Variants in ADAMTSL1 observed in about 807,000 individuals in gnomAD.
ADAMTSL1 encodes ADAMTS like 1.
In ADAMTSL1, 126 loss-of-function variants were observed where a neutral mutation model predicts 201.8. The ratio of observed to expected loss-of-function variants is 0.62; its 90% CI spans 0.54 to 0.72. The LOEUF (loss-of-function observed/expected upper bound fraction) is 0.72, where lower values mean the gene tolerates loss of function less well. ADAMTSL1 is among the 30% of genes least tolerant of loss of function. The pLI, the probability that ADAMTSL1 is intolerant of heterozygous loss-of-function variation, is 0.00. For missense variants in ADAMTSL1, 2,679 were observed against 2,277.8 expected, an observed-to-expected ratio of 1.18 and a Z score of -3.59; for synonymous variants, 1,121 against 903.4, an observed-to-expected ratio of 1.24 and a Z score of -4.32.
chr9:18,537,406 G>A (rs2132131077), intron 3 of ADAMTSL1, among the ~76,000 whole-genome samples: 1 of 152,300 alleles, frequency 6.6e-6, no homozygotes, highest in Non-Finnish European at 1.5e-5. Flanking sequence ...AGGCTGTGAA[G>A]TACAAGAGAG....
chr9:18,073,665 T>C lies in ADAMTSL1; in HGVS notation c.88-90197T>C, dbSNP rs1406715842. ...TATCATGTTATTGACATTTAAAAGA[T>C]ATGCATGCATTTTTTATAACCTTGG... On this transcript the variant is annotated intron_variant, in intron 1 of 29. Coordinates refer to the ADAMTSL1 transcript ENST00000680146. Among the ~76,000 whole-genome samples, 4 of 152,192 alleles carry C rather than the reference T, an allele frequency of 2.6e-5. No homozygotes were observed. In the East Asian group the frequency reaches 7.7e-4, roughly 29 times the overall value.
intron 1 of ADAMTSL1, among the ~76,000 whole-genome samples, chr9:18,011,867 G>A (rs1427091678): frequency 6.6e-6 from 1 of 151,962 alleles, no homozygotes; most frequent in African/African-American, 2.4e-5. Context: ...TGCCTTGAAA[G>A]GGGAACCTAG....
At chr9:18,057,508 T>C (rs1822248176) in intron 1 of ADAMTSL1, among the ~76,000 whole-genome samples, 1 of 152,206 alleles carries the variant, frequency 6.6e-6, no homozygotes, top group South Asian at 2.1e-4. Flanking sequence ...CAAATTTCCT[T>C]ACCCTAGCTG....
chr9:18,491,927 C>G (rs1022891676), intron 1 of ADAMTSL1, among the ~76,000 whole-genome samples: 6 of 152,104 alleles, frequency 3.9e-5, no homozygotes, highest in African/African-American at 1.4e-4. Context: ...ACTTATACTA[C>G]AATCTACTCT....
chr9:18,163,605 A>C (rs1488627155), intron 1 of ADAMTSL1, among the ~76,000 whole-genome samples: 1 of 151,970 alleles, frequency 6.6e-6, no homozygotes, highest in Non-Finnish European at 1.5e-5. Context: ...GATAACCTGT[A>C]ATCACTGGAT....
intron 6 of ADAMTSL1, among the ~76,000 whole-genome samples, chr9:18,638,757 A>G (rs1395195798): frequency 6.6e-6 from 1 of 152,172 alleles, no homozygotes; most frequent in East Asian, 1.9e-4. Context: ...GAGCAATAGC[A>G]TCAGTGCAGT....
intron 2 of ADAMTSL1, among the ~76,000 whole-genome samples, chr9:18,395,587 GTTGGAGAGTC>G (rs1390020760): frequency 2.0e-5 from 3 of 152,148 alleles, no homozygotes; most frequent in Non-Finnish European, 4.4e-5. Flanking sequence ...TGAATGAATG[GTTGGAGAGTC>G]AGTATAGAAT....
intron 2 of ADAMTSL1, among the ~76,000 whole-genome samples, chr9:18,263,405 G>A (rs1831997563): frequency 6.6e-6 from 1 of 151,778 alleles, no homozygotes. Context: ...TAATTCCCTG[G>A]CTCCTGTTGC....
At chr9:18,203,294 G>C (rs1333382245) in intron 2 of ADAMTSL1, among the ~76,000 whole-genome samples, 2 of 152,036 alleles carry the variant, frequency 1.3e-5, no homozygotes, top group African/African-American at 4.8e-5. Flanking sequence ...CTTCTGCCCA[G>C]ACATGAGTTC....
At chr9:18,283,880 TGCAC>T (rs1440511047) in intron 2 of ADAMTSL1, among the ~76,000 whole-genome samples, 1 of 123,188 alleles carries the variant, frequency 8.1e-6, no homozygotes, top group Non-Finnish European at 1.6e-5. Flanking sequence ...ATTGTGCCAC[TGCAC>T]TCTAGCCTGG....
At chr9:18,905,735 C>A (rs749363672) in intron 26 of ADAMTSL1, 47 bp from the exon 27 acceptor site, 4 of 1,519,800 alleles carry the variant, frequency 2.6e-6, no homozygotes, top group Non-Finnish European at 3.6e-6. Flanking sequence ...CGGCCTCCAC[C>A]CTTGACTTGG....
At chr9:18,692,824 C>T (rs1377473579) in intron 13 of ADAMTSL1, among the ~76,000 whole-genome samples, 4 of 152,160 alleles carry the variant, frequency 2.6e-5, no homozygotes, top group Non-Finnish European at 4.4e-5. Context: ...GCATTGTAAG[C>T]TGTGATGGCA....
At chr9:18,767,027 T>TA (rs373549521) in intron 16 of ADAMTSL1, among the ~76,000 whole-genome samples, 29 of 151,502 alleles carry the variant, frequency 1.9e-4, no homozygotes, top group Non-Finnish European at 2.5e-4. Context: ...GGAAGGGTGG[T>TA]AAAAAAAAGG....
chr9:18,658,998 T>C, intron 8 of ADAMTSL1, among the ~76,000 whole-genome samples: 1 of 152,354 alleles, frequency 6.6e-6, no homozygotes, highest in Admixed American at 6.5e-5. Flanking sequence ...ATATTTTAGA[T>C]TCATTGCCAA....
chr9:18,821,708 C>T (rs1824221509), intron 21 of ADAMTSL1, among the ~76,000 whole-genome samples: 1 of 152,032 alleles, frequency 6.6e-6, no homozygotes, highest in Non-Finnish European at 1.5e-5. Context: ...TTACTGTATC[C>T]TTTCTCTTTT....
intron 1 of ADAMTSL1, among the ~76,000 whole-genome samples, chr9:18,483,976 T>A (rs552988811): frequency 6.6e-6 from 1 of 152,368 alleles, no homozygotes; most frequent in East Asian, 1.9e-4. Context: ...CTCATTTATC[T>A]TGTTTCCCTA....
At chr9:18,263,293 A>C (rs1045412085) in intron 2 of ADAMTSL1, among the ~76,000 whole-genome samples, 1 of 152,186 alleles carries the variant, frequency 6.6e-6, no homozygotes, top group Non-Finnish European at 1.5e-5. Flanking sequence ...AGGAGATCTA[A>C]CATTATTGAA....
chr9:18,068,341 T>A (rs1563980547), intron 1 of ADAMTSL1, among the ~76,000 whole-genome samples: 2 of 152,042 alleles, frequency 1.3e-5, no homozygotes, highest in Non-Finnish European at 2.9e-5. Flanking sequence ...TAATACAAAT[T>A]AAAACAATAC....
At chr9:18,325,174 G>A (rs1379732142) in intron 2 of ADAMTSL1, among the ~76,000 whole-genome samples, 4 of 152,122 alleles carry the variant, frequency 2.6e-5, no homozygotes, top group African/African-American at 9.7e-5. Context: ...TTTGGAAAAG[G>A]TTTGACAATT....
Sources: allele counts gnomAD v4.1 joint callset (sites outside exome capture counted in the v4.1 genomes callset), GRCh38; gene constraint gnomAD v4.1.1; transcripts MANE v1.5; gene names NCBI Gene and HGNC (gene_info 2026-07-23, HGNC 2026-07-21).